MYO16: variants seen among roughly 807,000 people sequenced by gnomAD.
MYO16 encodes myosin XVI.
In MYO16, 94 loss-of-function variants were observed where a neutral mutation model predicts 205.3. The ratio of observed to expected loss-of-function variants is 0.46; its 90% confidence interval spans 0.39 to 0.54. The LOEUF is 0.54. Ranked by LOEUF, MYO16 falls within the 20% of genes least tolerant of loss-of-function variation. MYO16 has a pLI of 0.00. For synonymous variants in MYO16, 988 were observed against 954.0 expected (o/e 1.04, Z -0.66); for missense variants, 2,315 against 2,387.5 (o/e 0.97, Z 0.63).
At chr13:108,665,095 C>T (rs1173184159) in intron 1 of MYO16, among the ~76,000 whole-genome samples, 3 of 152,040 alleles carry the variant, frequency 2.0e-5, no homozygotes, top group Admixed American at 1.3e-4. Flanking sequence ...GTTGATAGCA[C>T]ATATATTCTC....
intron 1 of MYO16, among the ~76,000 whole-genome samples, chr13:108,650,249 CAAAG>C (rs1484851026): frequency 6.6e-6 from 1 of 151,648 alleles, no homozygotes; most frequent in Non-Finnish European, 1.5e-5. Flanking sequence ...AAATTAAAAA[CAAAG>C]AAATTTAAGA....
In MYO16 at chr13:108,793,563, A is replaced by T. The variant is rs1886688792; in HGVS notation, c.664A>T (p.Ser222Cys). 1 of 1,613,732 alleles carries T rather than the reference A, an allele frequency of 6.2e-7. No individual in the cohort carries two copies. The highest frequency in any genetic ancestry group is 8.5e-7 in the Non-Finnish European group (1 of 1,179,772). The part of the protein sequence containing the change: ...LRQMKLQRPM[S>C]MLTDVKHFLS... ...CCAGATGAAGCTTCAGAGACCAATGAGTATGTTAACAGATGTCAAACACTT... is the reference window on the plus strand; with the variant it reads ...CCAGATGAAGCTTCAGAGACCAATGTGTATGTTAACAGATGTCAAACACTT... The change falls in exon 6 of 35, where the codon AGT becomes TGT. Residue 222 changes from serine to cysteine, a missense_variant. Around this residue, in one of 3 missense-constraint regions of MYO16, gnomAD observed 1,213 missense variants for 1,274.4 expected, o/e 0.95. Coordinates refer to ENST00000457511, the MANE Select transcript of MYO16 (RefSeq NM_001198950.3).
intron 27 of MYO16, among the ~76,000 whole-genome samples, chr13:109,056,581 A>G (rs1470829756): frequency 9.2e-5 from 14 of 152,176 alleles, no homozygotes. Flanking sequence ...CAGTTTAGAC[A>G]GGTAAATGCA....
intron 7 of MYO16, among the ~76,000 whole-genome samples, chr13:108,808,279 G>A (rs564602174): frequency 6.8e-6 from 1 of 146,998 alleles, no homozygotes; most frequent in African/African-American, 2.5e-5. Flanking sequence ...GAAACCTACA[G>A]AAATAGAACC....
chr13:108,765,579 C>T (rs772977989), intron 4 of MYO16, among the ~76,000 whole-genome samples: 1 of 152,176 alleles, frequency 6.6e-6, no homozygotes, highest in African/African-American at 2.4e-5. Context: ...TGTTGCTACA[C>T]CATGACTTTC....
At chr13:109,165,771 C>T (rs1431287199) in intron 33 of MYO16, among the ~76,000 whole-genome samples, 1 of 152,112 alleles carries the variant, frequency 6.6e-6, no homozygotes, top group African/African-American at 2.4e-5. Flanking sequence ...CATAAGGGTA[C>T]CCACATTGTT....
intron 12 of MYO16, among the ~76,000 whole-genome samples, chr13:108,873,365 A>G (rs1012522661): frequency 3.9e-5 from 6 of 152,274 alleles, no homozygotes; most frequent in South Asian, 2.1e-4. Flanking sequence ...ACTCTGTTAT[A>G]TTAAGCCTTT....
At chr13:108,559,470 C>CTTT in the MYO16 span, among the ~76,000 whole-genome samples, 344 of 87,400 alleles carry the variant, frequency 3.9e-3, 8 homozygotes, top group South Asian at 0.039. Context: ...TTTTTCTTTT[C>CTTT]TTTTTTTTTT....
chr13:108,973,517 T>G (rs1356380447), intron 20 of MYO16, among the ~76,000 whole-genome samples: 1 of 152,160 alleles, frequency 6.6e-6, no homozygotes, highest in African/African-American at 2.4e-5. Flanking sequence ...ATGTGAGATT[T>G]CCTAGAGATC....
chr13:108,879,666 C>T (rs1026898821), intron 12 of MYO16, among the ~76,000 whole-genome samples: 3 of 152,296 alleles, frequency 2.0e-5, no homozygotes, highest in South Asian at 2.1e-4. Context: ...CCAGCTTCAT[C>T]TATGTCCCTA....
At position 108,718,882 on chromosome 13, in the gene MYO16, G is replaced by A. The variant is rs371161138; in HGVS notation, c.363+6151G>A. On this transcript the variant is annotated intron_variant, in intron 3 of 34. Transcript: ENST00000457511. ...TCGTAACCTTGACCTGCCTGCGGAT[G>A]TATTTTTATCATGACTCCCTGCATG... Among the ~76,000 whole-genome samples, 13 of 152,200 alleles carry A rather than the reference G, an allele frequency of 8.5e-5. No individual in the cohort carries two copies. In the East Asian group the frequency reaches 1.6e-3, roughly 18 times the overall value.
At chr13:108,635,588 C>T (rs1395919521) in intron 1 of MYO16, among the ~76,000 whole-genome samples, 1 of 151,892 alleles carries the variant, frequency 6.6e-6, no homozygotes, top group African/African-American at 2.4e-5. Flanking sequence ...GCAACCTCTG[C>T]CTCCCTGGTT....
intron 32 of MYO16, among the ~76,000 whole-genome samples, chr13:109,157,645 C>T (rs1249394129): frequency 6.6e-6 from 1 of 152,152 alleles, no homozygotes; most frequent in Non-Finnish European, 1.5e-5. Flanking sequence ...GAAGACAGTC[C>T]CCCTTAGAGC....
intron 10 of MYO16, among the ~76,000 whole-genome samples, chr13:108,851,372 A>C (rs545095148): frequency 1.3e-5 from 2 of 152,316 alleles, no homozygotes; most frequent in African/African-American, 4.8e-5. Context: ...AAAGATATTA[A>C]AAAGAAAATA....
In MYO16 at chr13:109,196,665, G is replaced by A. The variant is rs58894136; in HGVS notation, c.5416-9944G>A. ...CAGGAGCTTGTTTATGAGAAATGCT[G>A]GCCCCACCCTAAGGGCTCCAGTAAT... is the stretch of plus-strand genomic sequence containing the variant. On this transcript the variant is annotated intron_variant, in intron 34 of 34. Transcript: ENST00000457511. 9.5e-3 allele frequency among the ~76,000 whole-genome samples: 1,439 copies of A among 152,182 alleles called. 29 individuals are homozygous for A. The highest frequency in any genetic ancestry group is 0.033 in the African/African-American group (1,368 of 41,508).
intron 27 of MYO16, among the ~76,000 whole-genome samples, chr13:109,072,995 T>C (rs1226479719): frequency 5.9e-5 from 9 of 152,238 alleles, no homozygotes; most frequent in Non-Finnish European, 1.2e-4. Flanking sequence ...GCAGTTCTTA[T>C]AGACTACATT....
chr13:108,882,565 G>A (rs1470913061), intron 12 of MYO16, among the ~76,000 whole-genome samples: 1 of 152,064 alleles, frequency 6.6e-6, no homozygotes, highest in Admixed American at 6.6e-5. Context: ...AATCATTATG[G>A]CAATAATTAT....
intron 6 of MYO16, among the ~76,000 whole-genome samples, chr13:108,794,520 CA>C (rs1359881908): frequency 6.6e-6 from 1 of 152,122 alleles, no homozygotes; most frequent in Non-Finnish European, 1.5e-5. Context: ...TTCAGTAAAA[CA>C]AACTATGGAT....
intron 22 of MYO16, among the ~76,000 whole-genome samples, chr13:109,017,601 A>G (rs964592326): frequency 1.3e-5 from 2 of 152,186 alleles, no homozygotes; most frequent in African/African-American, 4.8e-5. Flanking sequence ...AGGTACACCA[A>G]TCAAACGTAG....
Sources: gnomAD v4.1 joint callset for allele counts (sites outside exome capture counted in the v4.1 genomes callset) on GRCh38, gnomAD v4.1.1 for gene constraint, gnomAD v4.1.1 regional missense constraint, MANE v1.5 for transcripts, NCBI Gene and HGNC (gene_info 2026-07-23, HGNC 2026-07-21) for gene names.